TOMM70: variants seen among roughly 807,000 people sequenced by gnomAD.
TOMM70 encodes the protein translocase of outer mitochondrial membrane 70.
TOMM70 carries 13 observed loss-of-function variants against 73.6 expected under a neutral mutation model. That is an observed-to-expected ratio of 0.18 (90% confidence interval 0.11 to 0.28). TOMM70 has a LOEUF of 0.28. TOMM70 is among the 10% of genes least tolerant of loss of function. The probability of loss-of-function intolerance (pLI) is 1.00; values close to 1 mark genes in which losing one functional copy is unlikely to be tolerated. For synonymous variants in TOMM70, 257 were observed against 271.2 expected (o/e 0.95, Z 0.51); for missense variants, 609 against 747.5 (o/e 0.81, Z 2.16).
chr3:100,373,493 A>G (rs1458981132), intron 8 of TOMM70, 45 bp downstream of exon 8: 4 of 1,474,224 alleles, frequency 2.7e-6, no homozygotes, highest in Middle Eastern at 3.5e-4. Flanking sequence ...GACGCTGGAA[A>G]ATAAAAGTGA....
At chr3:100,371,040 T>C (rs1383015941) in intron 9 of TOMM70, among the ~76,000 whole-genome samples, 2 of 152,280 alleles carry the variant, frequency 1.3e-5, no homozygotes, top group African/African-American at 4.8e-5. Flanking sequence ...TACCCATTCA[T>C]AGGATTAAAA....
In TOMM70 at chr3:100,375,106, T is replaced by C; in HGVS notation, c.1139A>G (p.Gln380Arg). Reference sequence around the variant, plus strand: ...TTGAGTGGACAGCAAAGGCTGCTGCTGTTGCATGTACATGCTGCCTCTTTT... The same window carrying C: ...TTGAGTGGACAGCAAAGGCTGCTGCCGTTGCATGTACATGCTGCCTCTTTT... ...LIKRGSMYMQQQQPLLSTQDF... is the reference protein window; with the variant it reads ...LIKRGSMYMQRQQPLLSTQDF... The change falls in exon 7 of 12, where the codon CAG becomes CGG. Residue 380 changes from glutamine to arginine, a missense_variant. This residue lies in a region of TOMM70 where 432 missense variants were observed against 584.1 expected (regional missense o/e 0.74). Coordinates refer to ENST00000284320, the MANE Select transcript of TOMM70 (RefSeq NM_014820.5). 1 of 1,610,996 alleles carries C rather than the reference T, an allele frequency of 6.2e-7. No individual in the cohort carries two copies. Among genetic ancestry groups the C allele is most frequent in the Non-Finnish European group, 8.5e-7 (1 of 1,178,812 alleles).
At chr3:100,375,187 CT>C (rs749454748) in intron 6 of TOMM70, 35 bp from the exon 7 acceptor site, 56 of 1,506,304 alleles carry the variant, frequency 3.7e-5, no homozygotes, top group South Asian at 2.4e-4. Context: ...TTCATCATTA[CT>C]TTTTTTTCCC....
chr3:100,395,558 A>G (rs1023586926), intron 1 of TOMM70, among the ~76,000 whole-genome samples: 6 of 151,612 alleles, frequency 4.0e-5, no homozygotes, highest in Non-Finnish European at 7.4e-5. Context: ...AAAAAAAAAA[A>G]AGAGAAAGGA....
At chr3:100,369,212 T>C (rs1706482044) in intron 9 of TOMM70, 77 bp from the exon 10 acceptor site, 2 of 1,015,262 alleles carry the variant, frequency 2.0e-6, no homozygotes, top group Non-Finnish European at 1.5e-6. Context: ...TTATTCATTA[T>C]AAAAATTTAC....
chr3:100,400,549 C>T, intron 1 of TOMM70, 77 bp downstream of exon 1: 3 of 1,505,220 alleles, frequency 2.0e-6, no homozygotes, highest in Non-Finnish European at 2.7e-6. Flanking sequence ...GATGGGAAGC[C>T]CCCTCACTGA....
intron 9 of TOMM70, chr3:100,371,949 G>A (rs1213387126): frequency 6.6e-6 from 1 of 152,202 alleles, no homozygotes; most frequent in East Asian, 1.9e-4. Context: ...AGAGTATTGA[G>A]ATGGCTAGTT....
intron 6 of TOMM70, 84 bp downstream of exon 6, chr3:100,377,621 A>C: frequency 7.3e-7 from 1 of 1,368,654 alleles, no homozygotes; most frequent in African/African-American, 1.5e-5. Flanking sequence ...ATGGCAGTTG[A>C]AATGCTTTAA....
intron 1 of TOMM70, among the ~76,000 whole-genome samples, chr3:100,399,099 C>G (rs1026265055): frequency 6.6e-6 from 1 of 151,954 alleles, no homozygotes; most frequent in African/African-American, 2.4e-5. Flanking sequence ...CTGGCCAACA[C>G]AGTGAAACCC....
chr3:100,373,605 T>C lies in TOMM70; in HGVS notation c.1268A>G (p.Asp423Gly). ...TCTTAACCTAATACATTCATCAAAA[T>C]CTGCCACTGCTTCTTCAACTTGATC... ...LLDQVEEAVA[D>G]FDECIRLRPE... Residue 423 changes from aspartate to glycine, a missense_variant, in exon 8 of 12, where the codon GAT (aspartate) becomes GGT (glycine). Asp to Gly is a moderately conservative substitution (Grantham distance 94). Transcript: ENST00000284320. The C allele has an allele frequency of 6.2e-7, 1 of 1,613,350 alleles. No homozygotes were observed. The highest frequency in any genetic ancestry group is 2.2e-5 in the East Asian group (1 of 44,820).
At chr3:100,367,947 GA>G (rs1706464060) in intron 11 of TOMM70, 96 bp downstream of exon 11, 7 of 1,286,442 alleles carry the variant, frequency 5.4e-6, no homozygotes, top group Non-Finnish European at 7.3e-6. Flanking sequence ...GTGAAAAGAG[GA>G]AAGAACATAA....
Position 100,400,969 on chromosome 3 carries a change from C to A in TOMM70, c.-20G>T. On this transcript the variant is annotated 5_prime_UTR_variant, in exon 1 of 12. Transcript: ENST00000284320. ...GGCCATGACAAGTGTCCTCTGCCAC[C>A]GCCTCCCTGTCTGTCGCGAGCGCCA... 1 of 1,526,398 alleles carries A rather than the reference C, an allele frequency of 6.6e-7. No individual in the cohort carries two copies. The highest frequency in any genetic ancestry group is 8.7e-7 in the Non-Finnish European group (1 of 1,142,870). 94.6% of individuals were successfully genotyped at this position (1,526,398 alleles called of 1,614,324 possible). A position where few individuals can be genotyped will look rare whatever the true frequency, so the allele number is the denominator to read the frequency against.
At position 100,400,852 on chromosome 3, in the gene TOMM70, G is replaced by A. The variant is rs748577226; in HGVS notation, c.98C>T (p.Thr33Met). 17 of 1,524,120 alleles carry A rather than the reference G, an allele frequency of 1.1e-5. No homozygotes were observed. The highest frequency in any genetic ancestry group is 2.0e-4 in the Middle Eastern group (1 of 4,922). The allele number at this position is 1,524,120 out of a possible 1,614,324, so 94.4% of individuals were successfully genotyped here. A position where few individuals can be genotyped will look rare whatever the true frequency, so the allele number is the denominator to read the frequency against. The change falls in exon 1 of 12, where the codon ACG (threonine) becomes ATG (methionine). Residue 33 changes from threonine to methionine, a missense_variant. This residue lies in a region of TOMM70 where 177 missense variants were observed against 163.5 expected (regional missense o/e 1.08). Coordinates refer to ENST00000284320, the MANE Select transcript of TOMM70 (RefSeq NM_014820.5). ...VGGGGTAGPG[T>M]GGLPRWQLAL... ...CAGCTGCCATCGCGGCAGCCCCCCCGTGCCCGGGCCCGCAGTCCCGCCGCC... is the reference window on the plus strand; with the variant it reads ...CAGCTGCCATCGCGGCAGCCCCCCCATGCCCGGGCCCGCAGTCCCGCCGCC...
chr3:100,383,453 G>T (rs1706658166), intron 4 of TOMM70, among the ~76,000 whole-genome samples: 1 of 151,742 alleles, frequency 6.6e-6, no homozygotes, highest in African/African-American at 2.4e-5. Flanking sequence ...AACCTGGGAG[G>T]CAGAGGTTGC....
intron 3 of TOMM70, among the ~76,000 whole-genome samples, chr3:100,385,084 C>A (rs981093187): frequency 6.6e-6 from 1 of 152,216 alleles, no homozygotes; most frequent in Non-Finnish European, 1.5e-5. Context: ...GGTTCCTTAA[C>A]CTCTCAGCCT....
At chr3:100,387,432 T>C (rs933213624) in intron 1 of TOMM70, among the ~76,000 whole-genome samples, 12 of 151,780 alleles carry the variant, frequency 7.9e-5, no homozygotes, top group East Asian at 1.9e-4. Flanking sequence ...TGGTGAGAGA[T>C]TGGGACTCTG....
At chr3:100,384,192 T>TATATATATATATATATTATATA (rs1706666091) in intron 4 of TOMM70, among the ~76,000 whole-genome samples, 1 of 152,236 alleles carries the variant, frequency 6.6e-6, no homozygotes. Flanking sequence ...TGAACATTAT[T>TATATATATATATATATTATATA]TATAAAAACA....
At chr3:100,392,820 AG>A in intron 1 of TOMM70, among the ~76,000 whole-genome samples, 1 of 152,344 alleles carries the variant, frequency 6.6e-6, no homozygotes, top group East Asian at 1.9e-4. Context: ...AAGGAAAAGA[AG>A]TCATTATATC....
At chr3:100,382,469 TA>T (rs1706644051) in intron 4 of TOMM70, among the ~76,000 whole-genome samples, 1 of 152,208 alleles carries the variant, frequency 6.6e-6, no homozygotes, top group African/African-American at 2.4e-5. Flanking sequence ...AGAAAACCCA[TA>T]TTGATCTGTG....
Sources: allele counts gnomAD v4.1 joint callset (sites outside exome capture counted in the v4.1 genomes callset), GRCh38; gene constraint gnomAD v4.1.1; regional missense constraint gnomAD v4.1.1; transcripts MANE v1.5; gene names NCBI Gene and HGNC (gene_info 2026-07-23, HGNC 2026-07-21).